ARHGEF5: variants seen among roughly 807,000 people sequenced by gnomAD.
The protein encoded by ARHGEF5 is Rho guanine nucleotide exchange factor (GEF) 5.
A neutral mutation model predicts 104.0 loss-of-function variants in ARHGEF5; 11 were observed. The observed-to-expected ratio is 0.11, with a 90% CI of 0.07 to 0.18. The LOEUF (loss-of-function observed/expected upper bound fraction) is 0.18, where lower values mean the gene tolerates loss of function less well. Ranked by LOEUF, ARHGEF5 falls within the 10% of genes least tolerant of loss-of-function variation. The pLI is 1.00. For synonymous variants in ARHGEF5, 60 were observed against 512.2 expected (o/e 0.12, Z 11.92); for missense variants, 165 against 1,335.4 (o/e 0.12, Z 13.66).
chr7:144,377,466 A>T (rs16882868), intron 13 of ARHGEF5, among the ~76,000 whole-genome samples: 5,209 of 152,158 alleles, frequency 0.034, 329 homozygotes, highest in African/African-American at 0.12. Flanking sequence ...CTAAGCTGAC[A>T]TTATTTTGCC....
intron 12 of ARHGEF5, 50 bp from the exon 13 acceptor site, chr7:144,377,067 CCCT>C (rs1315195825): frequency 5.8e-5 from 65 of 1,119,186 alleles, no homozygotes; most frequent in Non-Finnish European, 7.1e-5. Context: ...CCATCCTTGG[CCCT>C]CCTCCTACAC....
intron 1 of ARHGEF5, among the ~76,000 whole-genome samples, chr7:144,361,123 G>C (rs1210436550): frequency 3.2e-4 from 45 of 141,820 alleles, no homozygotes; most frequent in African/African-American, 1.0e-3. Context: ...AGCTACTCGG[G>C]AGGCTGAGGC....
chr7:144,363,237 C>T lies in ARHGEF5; in HGVS notation c.568C>T (p.Pro190Ser), dbSNP rs1476489223. Residue 190 changes from proline to serine, a missense_variant, in exon 2 of 15, where the codon CCT becomes TCT. By Grantham distance (74) the Pro-to-Ser change is moderately conservative. Coordinates refer to ENST00000056217, the MANE Select transcript of ARHGEF5 (RefSeq NM_005435.4). The stretch of plus-strand genomic sequence containing the variant: ...ATATTATTCTCCCTGCGAAGAGCAT[C>T]CTGCAGAGACCAACCAGAATGAAGG... ...TRYYSPCEEH[P>S]AETNQNEGSE... is the part of the protein sequence containing the mutation. 15 of 1,591,842 alleles carry T rather than the reference C, an allele frequency of 9.4e-6. No homozygotes were observed. Among genetic ancestry groups the T allele is most frequent in the Admixed American group, 1.7e-5 (1 of 59,744 alleles).
At position 144,380,233 on chromosome 7, in the gene ARHGEF5, TGG is replaced by T; in HGVS notation, c.*178_*179del. ...CAGGCCTCCTTTCGTGCTTTGTGCT[TGG>T]TGGGGGGGATTTCGAGGGACTTTGC... On this transcript the variant is annotated 3_prime_UTR_variant, in exon 15 of 15. Coordinates refer to ENST00000056217, the MANE Select transcript of ARHGEF5 (RefSeq NM_005435.4). The T allele has an allele frequency of 1.4e-6, 1 of 735,558 alleles. No homozygotes were observed. The highest frequency in any genetic ancestry group is 2.1e-6 in the Non-Finnish European group (1 of 468,202). The allele number at this position is 735,558 out of a possible 1,614,324, so 45.6% of individuals were successfully genotyped here. A position where few individuals can be genotyped will look rare whatever the true frequency, so the allele number is the denominator to read the frequency against.
At chr7:144,377,382 C>T (rs2053768593) in intron 13 of ARHGEF5, among the ~76,000 whole-genome samples, 192 bp downstream of exon 13, 1 of 152,220 alleles carries the variant, frequency 6.6e-6, no homozygotes, top group Admixed American at 6.5e-5. Context: ...ATCACTATGG[C>T]AGTCCCCCTT....
At position 144,380,221 on chromosome 7, in the gene ARHGEF5, G is replaced by T. The variant is rs1176835330; in HGVS notation, c.*165G>T. ...AGTCCCTCGGCCCAGGCCTCCTTTC[G>T]TGCTTTGTGCTTGGTGGGGGGGATT... is the stretch of plus-strand genomic sequence containing the variant. On this transcript the variant is annotated 3_prime_UTR_variant, in exon 15 of 15. Coordinates refer to ENST00000056217, the MANE Select transcript of ARHGEF5 (RefSeq NM_005435.4). 6.1e-6 allele frequency: 5 copies of T among 816,532 alleles called. No homozygotes were observed. The highest frequency in any genetic ancestry group is 9.3e-6 in the Non-Finnish European group (5 of 538,806). The allele number at this position is 816,532 out of a possible 1,614,324, so 50.6% of individuals were successfully genotyped here. A position where few individuals can be genotyped will look rare whatever the true frequency, so the allele number is the denominator to read the frequency against.
intron 13 of ARHGEF5, 34 bp from the exon 14 acceptor site, chr7:144,378,728 T>C: frequency 6.3e-7 from 1 of 1,592,928 alleles, no homozygotes; most frequent in Non-Finnish European, 8.6e-7. Flanking sequence ...CCCCTGCCTC[T>C]CCTAACCTCT....
In ARHGEF5 at chr7:144,380,235, G is replaced by GT. The variant is rs1161041797; in HGVS notation, c.*180dup. 2.7e-6 allele frequency: 2 copies of GT among 729,612 alleles called. No individual in the cohort carries two copies. Among genetic ancestry groups the GT allele is most frequent in the Non-Finnish European group, 4.3e-6 (2 of 463,926 alleles). 45.2% of individuals were successfully genotyped at this position (729,612 alleles called of 1,614,324 possible). ...GGCCTCCTTTCGTGCTTTGTGCTTG[G>GT]TGGGGGGGATTTCGAGGGACTTTGC... On this transcript the variant is annotated 3_prime_UTR_variant, in exon 15 of 15. Transcript: ENST00000056217.
intron 1 of ARHGEF5, among the ~76,000 whole-genome samples, chr7:144,357,648 G>A (rs1260640641): frequency 6.6e-6 from 1 of 151,406 alleles, no homozygotes; most frequent in Non-Finnish European, 1.5e-5. Context: ...AGATTTGGCA[G>A]TTTGATTGGG....
chr7:144,374,008 AT>A (rs2053742298), intron 10 of ARHGEF5, among the ~76,000 whole-genome samples: 1 of 111,030 alleles, frequency 9.0e-6, no homozygotes, highest in Non-Finnish European at 1.9e-5. Context: ...TGTCTGGCTA[AT>A]TTTAGTATTT....
At position 144,360,149 on chromosome 7, in the gene ARHGEF5, A is replaced by T. The variant is rs377695674; in HGVS notation, c.-12-2509A>T. 1.1e-3 allele frequency among the ~76,000 whole-genome samples: 133 copies of T among 117,974 alleles called. 21 individuals are homozygous for T. The highest frequency in any genetic ancestry group is 5.1e-3 in the South Asian group (17 of 3,326). The allele number at this position is 117,974 out of a possible 152,430, so 77.4% of individuals were successfully genotyped here. ...TCTCACTCTGTCACCTAGGCTGGAG[A>T]GCAGTGATGTGATCTTGGCTCACTG... On this transcript the variant is annotated intron_variant, in intron 1 of 14. Coordinates refer to ENST00000056217, the MANE Select transcript of ARHGEF5 (RefSeq NM_005435.4).
At chr7:144,378,987 GA>G in intron 14 of ARHGEF5, 121 bp downstream of exon 14, 1 of 941,564 alleles carries the variant, frequency 1.1e-6, no homozygotes, top group Non-Finnish European at 1.6e-6. Context: ...TATGGCAACA[GA>G]AATGCATTCT....
intron 13 of ARHGEF5, among the ~76,000 whole-genome samples, chr7:144,377,638 AG>A (rs2053770650): frequency 6.6e-6 from 1 of 152,164 alleles, no homozygotes; most frequent in South Asian, 2.1e-4. Context: ...GGGGAGCCAC[AG>A]GCACACACAC....
Position 144,380,185 on chromosome 7 carries a change from C to G in ARHGEF5, c.*129C>G. The G allele has an allele frequency of 8.2e-7, 1 of 1,218,052 alleles. No homozygotes were observed. Among genetic ancestry groups the G allele is most frequent in the Non-Finnish European group, 1.1e-6 (1 of 875,762 alleles). 75.5% of individuals were successfully genotyped at this position (1,218,052 alleles called of 1,614,324 possible). ...CCTTCTCAAAGCTCAAGGACAAAAT[C>G]CAGCTAACCCAGTCCCTCGGCCCAG... On this transcript the variant is annotated 3_prime_UTR_variant, in exon 15 of 15. Transcript: ENST00000056217.
intron 13 of ARHGEF5, 72 bp from the exon 14 acceptor site, chr7:144,378,690 C>T (rs567691858): frequency 7.6e-7 from 1 of 1,310,618 alleles, no homozygotes; most frequent in Middle Eastern, 1.9e-4. Flanking sequence ...CACGCCACCC[C>T]CCTCCAAGTC....
At position 144,363,314 on chromosome 7, in the gene ARHGEF5, G is replaced by T. The variant is rs376240001; in HGVS notation, c.645G>T (p.Leu215=). ...GGGAAGAGCTGCCACCTGAGGAGCT[G>T]CAGGAAAGTCAAGGGCTCTTGCATC... ...RQGEELPPEE[L]QESQGLLHPQ... The change falls in exon 2 of 15, where the codon CTG becomes CTT. Residue 215 remains leucine, a synonymous_variant. Transcript: ENST00000056217. The T allele has an allele frequency of 5.0e-6, 8 of 1,592,450 alleles. No individual in the cohort carries two copies. Among genetic ancestry groups the T allele is most frequent in the African/African-American group, 2.7e-5 (2 of 73,426 alleles).
chr7:144,377,733 T>G (rs913713355), intron 13 of ARHGEF5, among the ~76,000 whole-genome samples: 4 of 152,148 alleles, frequency 2.6e-5, no homozygotes, highest in Non-Finnish European at 5.9e-5. Context: ...CAGCAAAGAT[T>G]CCCTAATTTA....
chr7:144,373,361 A>C, intron 10 of ARHGEF5, 77 bp downstream of exon 10: 1 of 779,724 alleles, frequency 1.3e-6, no homozygotes, highest in South Asian at 1.6e-5. Context: ...CTAACCTGGA[A>C]CCACCTTGCT....
In ARHGEF5 at chr7:144,359,469, G is replaced by A. The variant is rs1330189075; in HGVS notation, c.-12-3189G>A. ...GCCAACTAGGCTTCAGGCAGAGGGGGTTATATGGCAGTGTTTGTCCCTTCA... is the reference window on the plus strand; with the variant it reads ...GCCAACTAGGCTTCAGGCAGAGGGGATTATATGGCAGTGTTTGTCCCTTCA... On this transcript the variant is annotated intron_variant, in intron 1 of 14. Coordinates refer to ENST00000056217, the MANE Select transcript of ARHGEF5 (RefSeq NM_005435.4). 4.9e-5 allele frequency among the ~76,000 whole-genome samples: 7 copies of A among 143,256 alleles called. No individual in the cohort carries two copies. The East Asian group carries it at 1.4e-3, about 28-fold the overall frequency. 94.0% of individuals were successfully genotyped at this position (143,256 alleles called of 152,430 possible).
Sources: allele counts gnomAD v4.1 joint callset (sites outside exome capture counted in the v4.1 genomes callset), GRCh38; gene constraint gnomAD v4.1.1; transcripts MANE v1.5; gene names NCBI Gene and HGNC (gene_info 2026-07-23, HGNC 2026-07-21).